Variants in SENP5 observed in about 807,000 individuals in gnomAD.
The protein encoded by SENP5 is sentrin-specific protease 5.
A neutral mutation model predicts 74.2 loss-of-function variants in SENP5; 21 were observed. The observed-to-expected ratio is 0.28, with a 90% CI of 0.20 to 0.41. SENP5 has a LOEUF of 0.41. SENP5 is among the 10% of genes least tolerant of loss of function. SENP5 has a pLI of 1.00. For missense variants in SENP5, 717 were observed against 889.1 expected, an observed-to-expected ratio of 0.81 and a Z score of 2.46; for synonymous variants, 311 against 312.7, an observed-to-expected ratio of 0.99 and a Z score of 0.06.
At chr3:196,874,860 C>T (rs1713386733) in intron 1 of SENP5, among the ~76,000 whole-genome samples, 1 of 150,842 alleles carries the variant, frequency 6.6e-6, no homozygotes, top group Non-Finnish European at 1.5e-5. Context: ...GCCTGGGCAA[C>T]AAGAGTGGGA....
rs1396760715 is a variant in SENP5, at chr3:196,885,637, C to G, written c.456C>G (p.Ala152=). The change falls in exon 2 of 10, where the codon GCC becomes GCG. Residue 152 remains alanine (A), a synonymous_variant. Transcript: ENST00000323460. The stretch of plus-strand genomic sequence containing the variant: ...CATCAAATAGTGCTTTAGGTCAGGC[C>G]AATGGTCACAGACCTAGGACAGACC... ...DFPSNSALGQ[A]NGHRPRTDPQ... 1 of 1,614,148 alleles carries G rather than the reference C, an allele frequency of 6.2e-7. No individual in the cohort carries two copies. The highest frequency in any genetic ancestry group is 8.5e-7 in the Non-Finnish European group (1 of 1,180,040).
intron 1 of SENP5, among the ~76,000 whole-genome samples, chr3:196,879,944 CA>C (rs1713651882): frequency 6.6e-6 from 1 of 152,038 alleles, no homozygotes; most frequent in Non-Finnish European, 1.5e-5. Flanking sequence ...AGTTTTGTTT[CA>C]GTTTTTTTTG....
Position 196,886,126 on chromosome 3 carries a change from G to T in SENP5, c.945G>T (p.Val315=). The part of the protein sequence containing the change: ...PYFPDMDSSA[V]VKGTNSHVPD... ...TTCCAGATATGGACAGCAGTGCTGT[G>T]GTGAAGGGGACGAACTCTCATGTGC... Residue 315 remains valine, a synonymous_variant, in exon 2 of 10, where the codon GTG becomes GTT. Transcript: ENST00000323460. 1.2e-6 allele frequency: 2 copies of T among 1,614,184 alleles called. No homozygotes were observed. Among genetic ancestry groups the T allele is most frequent in the Non-Finnish European group, 1.7e-6 (2 of 1,180,026 alleles).
chr3:196,928,110 C>A (rs771441261), intron 8 of SENP5, among the ~76,000 whole-genome samples: 39 of 152,090 alleles, frequency 2.6e-4, no homozygotes, highest in Non-Finnish European at 5.3e-4. Context: ...GAGGAAGTTG[C>A]TAATGATGTG....
At chr3:196,922,395 C>T (rs1398994527) in intron 6 of SENP5, among the ~76,000 whole-genome samples, 2 of 152,124 alleles carry the variant, frequency 1.3e-5, no homozygotes, top group Non-Finnish European at 2.9e-5. Flanking sequence ...GTCTGTTGAA[C>T]GAGTCTAACT....
intron 2 of SENP5, among the ~76,000 whole-genome samples, chr3:196,888,657 A>G (rs1714080177): frequency 6.6e-6 from 1 of 152,044 alleles, no homozygotes; most frequent in Admixed American, 6.6e-5. Context: ...TAAAAGATAT[A>G]TATGACATAT....
chr3:196,883,989 G>A (rs1432914100), intron 1 of SENP5, among the ~76,000 whole-genome samples: 3 of 152,198 alleles, frequency 2.0e-5, no homozygotes, highest in African/African-American at 7.2e-5. Flanking sequence ...ACCACACCTG[G>A]CCCTGTGTTC....
chr3:196,931,998 C>T lies in SENP5; in HGVS notation c.*1075C>T, dbSNP rs1170156799. ...CCGTGTCAGGTTCTTTCTCCTGTCC[C>T]ATTAGTGACCTCAGTAACATGCAGG... is the stretch of plus-strand genomic sequence containing the variant. On this transcript the variant is annotated 3_prime_UTR_variant, in exon 10 of 10. Transcript: ENST00000323460. 7 of 435,832 alleles carry T rather than the reference C, an allele frequency of 1.6e-5. No individual in the cohort carries two copies. In the East Asian group the frequency reaches 5.3e-4, roughly 33 times the overall value. 27.0% of individuals were successfully genotyped at this position (435,832 alleles called of 1,614,324 possible). A position where few individuals can be genotyped will look rare whatever the true frequency, so the allele number is the denominator to read the frequency against.
At chr3:196,874,810 C>A (rs569845615) in intron 1 of SENP5, among the ~76,000 whole-genome samples, 2 of 151,818 alleles carry the variant, frequency 1.3e-5, no homozygotes, top group African/African-American at 4.8e-5. Context: ...ACCCGGGAGG[C>A]GGAGGTTGCA....
chr3:196,890,598 G>C (rs1046939149), intron 2 of SENP5, among the ~76,000 whole-genome samples: 1 of 152,216 alleles, frequency 6.6e-6, no homozygotes, highest in African/African-American at 2.4e-5. Context: ...AGCTGCAAAA[G>C]ATTTGAGGGC....
chr3:196,912,420 A>G (rs1204311705), intron 6 of SENP5, among the ~76,000 whole-genome samples: 1 of 151,858 alleles, frequency 6.6e-6, no homozygotes, highest in Admixed American at 6.6e-5. Flanking sequence ...GGGGCCTGTC[A>G]GGGGGTTGGG....
intron 6 of SENP5, among the ~76,000 whole-genome samples, chr3:196,906,581 A>G (rs1714912952): frequency 6.6e-6 from 1 of 152,218 alleles, no homozygotes; most frequent in Admixed American, 6.5e-5. Flanking sequence ...CAGAAATATC[A>G]AAGATGAATA....
intron 2 of SENP5, among the ~76,000 whole-genome samples, chr3:196,889,075 CA>C (rs1714098306): frequency 6.6e-6 from 1 of 151,684 alleles, no homozygotes; most frequent in African/African-American, 2.4e-5. Flanking sequence ...GAGATCGTGC[CA>C]CTGCACTCCA....
chr3:196,895,347 G>A (rs1714398627), intron 2 of SENP5, among the ~76,000 whole-genome samples: 1 of 151,624 alleles, frequency 6.6e-6, no homozygotes, highest in Non-Finnish European at 1.5e-5. Flanking sequence ...CACCATGCCC[G>A]GCTAATTTTT....
chr3:196,883,790 G>C (rs1713828604), intron 1 of SENP5, among the ~76,000 whole-genome samples: 1 of 152,018 alleles, frequency 6.6e-6, no homozygotes, highest in Non-Finnish European at 1.5e-5. Flanking sequence ...CCAGGTTCAA[G>C]CAATTCTTCT....
At chr3:196,923,348 T>G (rs1242103775) in intron 6 of SENP5, 66 bp from the exon 7 acceptor site, 2 of 1,530,488 alleles carry the variant, frequency 1.3e-6, no homozygotes, top group East Asian at 2.3e-5. Context: ...AAATGGAAGC[T>G]GCTGGTTTTT....
At chr3:196,928,301 A>G (rs1715892203) in intron 8 of SENP5, among the ~76,000 whole-genome samples, 1 of 152,200 alleles carries the variant, frequency 6.6e-6, no homozygotes, top group Non-Finnish European at 1.5e-5. Context: ...TAGTAGCCCA[A>G]GCGCTTCAGT....
At chr3:196,881,904 T>TG (rs1290785604) in intron 1 of SENP5, among the ~76,000 whole-genome samples, 1 of 149,208 alleles carries the variant, frequency 6.7e-6, no homozygotes, top group Non-Finnish European at 1.5e-5. Context: ...TAGTTTTTTT[T>TG]TTTTTTTTTT....
intron 4 of SENP5, 113 bp from the exon 5 acceptor site, chr3:196,900,252 G>A (rs1442817387): frequency 9.0e-7 from 1 of 1,116,110 alleles, no homozygotes; most frequent in African/African-American, 1.6e-5. Context: ...TTCTGATTGG[G>A]ATGTACTGAA....
Sources: allele counts gnomAD v4.1 joint callset (sites outside exome capture counted in the v4.1 genomes callset), GRCh38; gene constraint gnomAD v4.1.1; transcripts MANE v1.5; gene names NCBI Gene and HGNC (gene_info 2026-07-23, HGNC 2026-07-21).